ENKUR: variants seen among roughly 807,000 people sequenced by gnomAD.
ENKUR encodes the protein enkurin.
In ENKUR, 19 loss-of-function variants were observed where a neutral mutation model predicts 27.6. That is an observed-to-expected ratio of 0.69 (90% CI 0.48 to 1.01). The LOEUF (loss-of-function observed/expected upper bound fraction) is 1.01. ENKUR is among the 50% of genes least tolerant of loss of function. ENKUR has a pLI of 0.00. For missense variants in ENKUR, 312 were observed against 310.5 expected, an observed-to-expected ratio of 1.00 and a Z score of -0.04; for synonymous variants, 117 against 96.9, an observed-to-expected ratio of 1.21 and a Z score of -1.22.
upstream of ENKUR, among the ~76,000 whole-genome samples, chr10:25,020,824 A>T (rs1252337725): frequency 6.6e-6 from 1 of 152,158 alleles, no homozygotes; most frequent in Admixed American, 6.6e-5. Flanking sequence ...TCAGAAAGTT[A>T]TGTATTGCAA....
intron 4 of ENKUR, among the ~76,000 whole-genome samples, chr10:24,988,464 T>C: frequency 6.8e-6 from 1 of 146,234 alleles, no homozygotes; most frequent in East Asian, 2.0e-4. Flanking sequence ...TTATATATAA[T>C]TTATTTATAT....
rs554929018 is a variant in ENKUR at position 25,015,154 on chromosome 10, C to G, written c.77+706G>C. Among the ~76,000 whole-genome samples the G allele has an allele frequency of 3.3e-5, 5 of 152,236 alleles. No individual in the cohort carries two copies. The East Asian group carries it at 9.7e-4, about 29-fold the overall frequency. On this transcript the variant is annotated intron_variant, in intron 1 of 5. Transcript: ENST00000331161. Reference sequence around the variant, plus strand: ...AGATTTAAGTAAGTTCTAAGAAGTCCCTACAGATGGGAGTAACTGAAGTGC... The same window carrying G: ...AGATTTAAGTAAGTTCTAAGAAGTCGCTACAGATGGGAGTAACTGAAGTGC...
At chr10:25,018,924 C>G (rs1467556516), upstream of ENKUR, among the ~76,000 whole-genome samples, 3 of 152,110 alleles carry the variant, frequency 2.0e-5, no homozygotes, top group African/African-American at 7.2e-5. Flanking sequence ...AAGTGATGAA[C>G]TTGCAAAATT....
chr10:25,018,845 G>A (rs910709301), upstream of ENKUR, among the ~76,000 whole-genome samples: 1 of 152,114 alleles, frequency 6.6e-6, no homozygotes, highest in South Asian at 2.1e-4. Context: ...AGATCGTTAA[G>A]AATATGTCTA....
At chr10:24,985,460 A>G (rs1849759139) in intron 4 of ENKUR, among the ~76,000 whole-genome samples, 1 of 152,224 alleles carries the variant, frequency 6.6e-6, no homozygotes, top group Non-Finnish European at 1.5e-5. Context: ...AATATATTAG[A>G]AAGAACCAAT....
At chr10:24,986,194 C>A (rs1849774971) in intron 4 of ENKUR, among the ~76,000 whole-genome samples, 1 of 152,182 alleles carries the variant, frequency 6.6e-6, no homozygotes, top group Non-Finnish European at 1.5e-5. Flanking sequence ...ATTATGCTGT[C>A]ATAGTAAGCT....
rs895712283 is a variant in ENKUR, at chr10:25,037,485, A to T, written c.37+23627T>A. 1.3e-4 allele frequency among the ~76,000 whole-genome samples: 20 copies of T among 152,328 alleles called. 1 individual carries two copies. Among genetic ancestry groups the T allele is most frequent in the Admixed American group, 1.2e-3 (19 of 15,300 alleles). ...GTTCTGCATGTCTAGCTCATCAAAC[A>T]TTTAATTTTCACTTTTATTTCCCAT... On this transcript the variant is annotated intron_variant, in intron 2 of 5. Coordinates refer to the ENKUR transcript ENST00000615958.
chr10:25,024,712 TC>T, intron 2 of ENKUR: 1 of 1,614,222 alleles, frequency 6.2e-7, no homozygotes. Context: ...AGGATTTATT[TC>T]TTTTGGAAGC....
chr10:25,008,933 A>G (rs911351670), intron 1 of ENKUR, among the ~76,000 whole-genome samples: 13 of 152,364 alleles, frequency 8.5e-5, no homozygotes, highest in African/African-American at 3.1e-4. Context: ...GCCATAAAAA[A>G]TGATGAGTTC....
chr10:24,999,007 G>T (rs1183369432), intron 2 of ENKUR, among the ~76,000 whole-genome samples: 3 of 152,150 alleles, frequency 2.0e-5, no homozygotes, highest in African/African-American at 7.2e-5. Flanking sequence ...TGGTAGTAAT[G>T]GTTGTAATTT....
intron 2 of ENKUR, among the ~76,000 whole-genome samples, chr10:25,041,792 A>AT (rs965213137): frequency 4.6e-5 from 7 of 151,982 alleles, no homozygotes; most frequent in African/African-American, 1.2e-4. Context: ...GAGATTTTCC[A>AT]TTTTTTGAGA....
chr10:25,026,747 G>A (rs1006461956), intron 2 of ENKUR: 2 of 153,330 alleles, frequency 1.3e-5, no homozygotes, highest in African/African-American at 4.8e-5. Flanking sequence ...CATTTTCTGG[G>A]AGAACAACCT....
At chr10:25,035,220 C>T (rs1332318238) in intron 2 of ENKUR, among the ~76,000 whole-genome samples, 1 of 152,150 alleles carries the variant, frequency 6.6e-6, no homozygotes, top group East Asian at 1.9e-4. Flanking sequence ...ACCTCCTCAC[C>T]TGCTAATCAT....
chr10:25,054,406 G>A (rs1189316699), intron 2 of ENKUR, among the ~76,000 whole-genome samples: 2 of 152,180 alleles, frequency 1.3e-5, no homozygotes, highest in Non-Finnish European at 2.9e-5. Flanking sequence ...TGGGCAACAA[G>A]AGTGAAACTC....
intron 1 of ENKUR, among the ~76,000 whole-genome samples, chr10:25,001,176 A>G (rs1850181512): frequency 6.6e-6 from 1 of 151,950 alleles, no homozygotes; most frequent in Non-Finnish European, 1.5e-5. Context: ...ATAAGTCCAA[A>G]TTTCTAACTG....
At chr10:25,056,005 A>T (rs972354319) in intron 2 of ENKUR, among the ~76,000 whole-genome samples, 4 of 152,118 alleles carry the variant, frequency 2.6e-5, no homozygotes, top group African/African-American at 9.7e-5. Context: ...CATTGTCATG[A>T]TCATCACCAT....
chr10:25,025,381 T>G, intron 2 of ENKUR: 1 of 1,614,086 alleles, frequency 6.2e-7, no homozygotes, highest in South Asian at 1.1e-5. Flanking sequence ...GAAGATGGAG[T>G]ACCAGGTCTG....
exon 2 of ENKUR, chr10:25,061,322 C>T: frequency 1.6e-6 from 1 of 633,650 alleles, no homozygotes. Flanking sequence ...CTCCAGCCGC[C>T]TGCTCTGTTG....
intron 2 of ENKUR, among the ~76,000 whole-genome samples, chr10:25,031,097 A>G (rs1850927555): frequency 6.6e-6 from 1 of 152,216 alleles, no homozygotes; most frequent in Non-Finnish European, 1.5e-5. Flanking sequence ...AGCCTGAGTG[A>G]TAGAGTGAGA....
Sources: gnomAD v4.1 joint callset for allele counts (sites outside exome capture counted in the v4.1 genomes callset) on GRCh38, gnomAD v4.1.1 for gene constraint, MANE v1.5 for transcripts, NCBI Gene and HGNC (gene_info 2026-07-23, HGNC 2026-07-21) for gene names.